Variants in SLC38A10 observed in about 807,000 individuals in gnomAD.
The protein encoded by SLC38A10 is solute carrier family 38 member 10.
In SLC38A10, 53 loss-of-function variants were observed where a neutral mutation model predicts 81.0. The ratio of observed to expected loss-of-function variants is 0.65; its 90% CI spans 0.53 to 0.82. SLC38A10 has a LOEUF of 0.82. Ranked by LOEUF, SLC38A10 falls within the 40% of genes least tolerant of loss-of-function variation. The probability of loss-of-function intolerance (pLI) is 0.00; values close to 1 mark genes in which losing one functional copy is unlikely to be tolerated. For synonymous variants in SLC38A10, 665 were observed against 655.3 expected (o/e 1.01, Z -0.23); for missense variants, 1,471 against 1,545.0 (o/e 0.95, Z 0.80).
chr17:81,278,641 C>T (rs1004734672), intron 6 of SLC38A10, among the ~76,000 whole-genome samples: 2 of 152,182 alleles, frequency 1.3e-5, no homozygotes, highest in African/African-American at 4.8e-5. Context: ...GAGGTCTCCA[C>T]GGCCCTAGAC....
At chr17:81,259,353 G>T (rs1352319950) in intron 11 of SLC38A10, among the ~76,000 whole-genome samples, 1 of 152,260 alleles carries the variant, frequency 6.6e-6, no homozygotes, top group East Asian at 1.9e-4. Context: ...CTGCAGAGGG[G>T]TGTGTTGGAT....
In SLC38A10 at chr17:81,280,736, G is replaced by A. The variant is rs751996080; in HGVS notation, c.502-3C>T. ...TGCTTGAGAGAGGAGAGCACGATCT[G>A]CAGAGGGAGAGGGGAGAGAGCACGG... On this transcript the variant is annotated splice_polypyrimidine_tract_variant and splice_region_variant and intron_variant, in intron 5 of 15. Transcript: ENST00000374759. 3.8e-5 allele frequency: 62 copies of A among 1,610,716 alleles called. No homozygotes were observed. Among genetic ancestry groups the A allele is most frequent in the Non-Finnish European group, 5.3e-5 (62 of 1,178,238 alleles).
In SLC38A10 at chr17:81,282,415, G is replaced by A. The variant is rs1567945783; in HGVS notation, c.358-83C>T. ...CTCTGCACTGACAGGGAGTGGGAGC[G>A]CCCCGAGCCCGAAAGCCGACGGCAT... On this transcript the variant is annotated intron_variant, in intron 4 of 15. Transcript: ENST00000374759. 8 of 1,515,206 alleles carry A rather than the reference G, an allele frequency of 5.3e-6. No homozygotes were observed. The Admixed American group carries it at 1.2e-4, about 23-fold the overall frequency. The allele number at this position is 1,515,206 out of a possible 1,614,324, so 93.9% of individuals were successfully genotyped here.
chr17:81,270,799 TTAAG>T lies in SLC38A10; in HGVS notation c.1131+115_1131+118del. 1 of 792,204 alleles carries T rather than the reference TTAAG, an allele frequency of 1.3e-6. No homozygotes were observed. Among genetic ancestry groups the T allele is most frequent in the Non-Finnish European group, 2.0e-6 (1 of 495,678 alleles). The allele number at this position is 792,204 out of a possible 1,614,324, so 49.1% of individuals were successfully genotyped here. A position where few individuals can be genotyped will look rare whatever the true frequency, so the allele number is the denominator to read the frequency against. ...CTGGACCAAGTCCCTTTTGTGGGTT[TTAAG>T]TTTCTTGATAGAACCCATCTGAAAA... On this transcript the variant is annotated intron_variant, in intron 10 of 15. Transcript: ENST00000374759. This position sits in a 1 kb window ranked among gnomAD's most constrained non-coding sequence, Gnocchi z 4.0.
At chr17:81,293,770 A>G (rs552651890) in intron 1 of SLC38A10, among the ~76,000 whole-genome samples, 1 of 152,312 alleles carries the variant, frequency 6.6e-6, no homozygotes, top group African/African-American at 2.4e-5. Flanking sequence ...AAATTAAACT[A>G]CTGGTGCCAC....
chr17:81,253,318 A>G lies in SLC38A10; in HGVS notation c.1289-78T>C, dbSNP rs1167637167. On this transcript the variant is annotated intron_variant, in intron 11 of 15. Coordinates refer to ENST00000374759, the MANE Select transcript of SLC38A10 (RefSeq NM_001037984.3). This position sits in a 1 kb window ranked among gnomAD's most constrained non-coding sequence, Gnocchi z 4.1. ...GGGCAGCTCTCCCTGGACTGTTACC[A>G]TATTTTCCAGCCAAATGGCAGAGTC... The G allele has an allele frequency of 2.6e-5, 39 of 1,516,364 alleles. No homozygotes were observed. In the East Asian group the frequency reaches 9.0e-4, roughly 35 times the overall value. The allele number at this position is 1,516,364 out of a possible 1,614,324, so 93.9% of individuals were successfully genotyped here.
Position 81,276,609 on chromosome 17 carries a change from C to A in SLC38A10, c.729+422G>T, listed in dbSNP as rs1313193968. Among the ~76,000 whole-genome samples, 2 of 152,152 alleles carry A rather than the reference C, an allele frequency of 1.3e-5. No homozygotes were observed. The highest frequency in any genetic ancestry group is 3.9e-4 in the East Asian group (2 of 5,186). On this transcript the variant is annotated intron_variant, in intron 7 of 15. Transcript: ENST00000374759. This position sits in a 1 kb window ranked among gnomAD's most constrained non-coding sequence, Gnocchi z 4.7. ...GTTTCACCATGTTGGCCAGGCTGGT[C>A]TTGAACTCCTGACCTCATGATCTGC...
chr17:81,246,630 C>A lies in SLC38A10; in HGVS notation c.2286G>T (p.Gln762His). ...CCCTGGCCTTGCCTTCAGGGGCCTC[C>A]TGGCCTCTGGGCACCGCTGCCCCGG... ...QEPGAAVPRG[Q>H]EAPEGKARET... The change falls in exon 16 of 16, where the codon CAG becomes CAT. Residue 762 changes from glutamine to histidine, a missense_variant. Gln to His is a conservative substitution (Grantham distance 24, BLOSUM62 0). Transcript: ENST00000374759. 1 of 1,515,428 alleles carries A rather than the reference C, an allele frequency of 6.6e-7. No individual in the cohort carries two copies. The highest frequency in any genetic ancestry group is 8.8e-7 in the Non-Finnish European group (1 of 1,134,986). 93.9% of individuals were successfully genotyped at this position (1,515,428 alleles called of 1,614,324 possible). A position where few individuals can be genotyped will look rare whatever the true frequency, so the allele number is the denominator to read the frequency against.
chr17:81,260,568 G>A (rs542684311), intron 10 of SLC38A10, among the ~76,000 whole-genome samples, 174 bp from the exon 11 acceptor site: 44 of 152,348 alleles, frequency 2.9e-4, no homozygotes, highest in South Asian at 8.3e-4. Context: ...CTGAGGACAG[G>A]TGTCCACTCC....
Position 81,280,730 on chromosome 17 carries a change from C to T in SLC38A10, c.505G>A (p.Val169Met), listed in dbSNP as rs145662017. ...LFYTVFMFVI[V>M]LSSLKHGLFS... ...AGGCCGTGCTTGAGAGAGGAGAGCA[C>T]GATCTGCAGAGGGAGAGGGGAGAGA... Residue 169 changes from valine to methionine, a missense_variant, in exon 6 of 16, where the codon GTG (valine) becomes ATG (methionine). Coordinates refer to ENST00000374759, the MANE Select transcript of SLC38A10 (RefSeq NM_001037984.3). 3.5e-3 allele frequency: 5,659 copies of T among 1,611,666 alleles called. 29 individuals are homozygous for T. The highest frequency in any genetic ancestry group is 0.013 in the African/African-American group (1,006 of 75,020).
chr17:81,252,978 C>A, intron 12 of SLC38A10, 95 bp downstream of exon 12: 1 of 1,458,032 alleles, frequency 6.9e-7, no homozygotes, highest in Admixed American at 1.9e-5. Flanking sequence ...AAAAGATACA[C>A]ACAGCCCTGA....
Position 81,284,869 on chromosome 17 carries a change from T to C in SLC38A10, c.244A>G (p.Lys82Glu), listed in dbSNP as rs1326086543. 2.6e-6 allele frequency: 4 copies of C among 1,545,238 alleles called. No homozygotes were observed. The highest frequency in any genetic ancestry group is 3.5e-6 in the Non-Finnish European group (4 of 1,144,146). ...GCTTACCTGGTCTCCACCAGCATCT[T>C]GCCTGCCTTCCCGTAGGCGTGGAAT... ...LAFHAYGKAG[K>E]MLVETSMIGL... The change falls in exon 3 of 16, where the codon AAG becomes GAG. Residue 82 changes from lysine (K) to glutamate (E), a missense_variant. By Grantham distance (56) the Lys-to-Glu change is moderately conservative. Transcript: ENST00000374759.
At chr17:81,271,472 G>C (rs147171732) in intron 9 of SLC38A10, among the ~76,000 whole-genome samples, 43 of 152,322 alleles carry the variant, frequency 2.8e-4, no homozygotes, top group Non-Finnish European at 4.1e-4. Context: ...TCCCTGGGGA[G>C]AGTGCGTGCG....
intron 2 of SLC38A10, chr17:81,285,408 T>C (rs929513943): frequency 2.0e-5 from 3 of 152,544 alleles, no homozygotes; most frequent in Non-Finnish European, 4.4e-5. Flanking sequence ...CTTTCGAGCA[T>C]GGTGCTTCAG....
At position 81,252,392 on chromosome 17, in the gene SLC38A10, G is replaced by C. The variant is rs367550138; in HGVS notation, c.1748C>G (p.Ala583Gly). Residue 583 changes from alanine to glycine, a missense_variant, in exon 13 of 16, where the codon GCA becomes GGA. Around this residue, in one of 2 missense-constraint regions of SLC38A10, gnomAD observed 720 missense variants for 827.7 expected, o/e 0.87. Transcript: ENST00000374759. ...LPEDPQKVPE[A>G]DGQPAVQPAK... ...AGGCTGGACAGCTGGCTGACCATCT[G>C]CTTCTGGAACTTTCTGGGGATCTTC... 14 of 1,613,092 alleles carry C rather than the reference G, an allele frequency of 8.7e-6. No homozygotes were observed. The highest frequency in any genetic ancestry group is 1.2e-5 in the Non-Finnish European group (14 of 1,180,028).
intron 10 of SLC38A10, among the ~76,000 whole-genome samples, chr17:81,261,614 G>A (rs2063024365): frequency 6.6e-6 from 1 of 152,246 alleles, no homozygotes; most frequent in Non-Finnish European, 1.5e-5. Context: ...GGTGGCAGCT[G>A]AAAAAGACAA....
rs902887200 is a variant in SLC38A10 at position 81,245,522 on chromosome 17, C to A, written c.*34G>T. ...CAGACCTGCTGCTGGCCGAGGAGGG[C>A]AGTGGCTGGCGTGGCCCTCATGGCC... On this transcript the variant is annotated 3_prime_UTR_variant, in exon 16 of 16. Transcript: ENST00000374759. The A allele has an allele frequency of 6.4e-7, 1 of 1,553,718 alleles. No individual in the cohort carries two copies. Among genetic ancestry groups the A allele is most frequent in the Non-Finnish European group, 8.7e-7 (1 of 1,148,866 alleles).
Position 81,288,320 on chromosome 17 carries a change from C to A in SLC38A10, c.217+1371G>T, listed in dbSNP as rs1053469863. 3.3e-5 allele frequency among the ~76,000 whole-genome samples: 5 copies of A among 152,228 alleles called. No homozygotes were observed. Among genetic ancestry groups the A allele is most frequent in the African/African-American group, 1.2e-4 (5 of 41,454 alleles). ...CTCACTCTGCCGCGGGAGCTGTGAG[C>A]CCGGGGGGCAGGATGGCCTTCTGCA... On this transcript the variant is annotated intron_variant, in intron 2 of 15. Transcript: ENST00000374759. This position sits in a 1 kb window ranked among gnomAD's most constrained non-coding sequence, Gnocchi z 5.4.
In SLC38A10 at chr17:81,253,389, C is replaced by T. The variant is rs1016933817; in HGVS notation, c.1289-149G>A. The T allele has an allele frequency of 5.0e-5, 48 of 968,320 alleles. No individual in the cohort carries two copies. Among genetic ancestry groups the T allele is most frequent in the African/African-American group, 3.3e-4 (20 of 60,664 alleles). 60.0% of individuals were successfully genotyped at this position (968,320 alleles called of 1,614,324 possible). On this transcript the variant is annotated intron_variant, in intron 11 of 15. Coordinates refer to ENST00000374759, the MANE Select transcript of SLC38A10 (RefSeq NM_001037984.3). This position sits in a 1 kb window ranked among gnomAD's most constrained non-coding sequence, Gnocchi z 4.1. ...TTCGATCATTAGCAGCTAAGTAGCA[C>T]AGAAAACTGTCATTTTTCATGTGTA... is the stretch of plus-strand genomic sequence containing the variant.
Sources: gnomAD v4.1 joint callset for allele counts (sites outside exome capture counted in the v4.1 genomes callset) on GRCh38, gnomAD v4.1.1 for gene constraint, gnomAD v4.1.1 regional missense constraint, Gnocchi (gnomAD v3.1) non-coding constraint, MANE v1.5 for transcripts, NCBI Gene and HGNC (gene_info 2026-07-23, HGNC 2026-07-21) for gene names.